Variants in SCMH1 observed in about 807,000 individuals in gnomAD.
SCMH1 encodes the protein polycomb protein SCMH1.
SCMH1 carries 37 observed loss-of-function variants against 70.8 expected under a neutral mutation model. The ratio of observed to expected loss-of-function variants is 0.52; its 90% confidence interval spans 0.40 to 0.69. SCMH1 has a LOEUF of 0.69. SCMH1 is among the 30% of genes least tolerant of loss of function. The probability of loss-of-function intolerance (pLI) is 0.00; values close to 1 mark genes in which losing one functional copy is unlikely to be tolerated. For synonymous variants in SCMH1, 292 were observed against 307.4 expected, an observed-to-expected ratio of 0.95 and a Z score of 0.52; for missense variants, 607 against 827.3, an observed-to-expected ratio of 0.73 and a Z score of 3.27.
intron 5 of SCMH1, among the ~76,000 whole-genome samples, chr1:41,143,806 T>C (rs1644316009): frequency 6.6e-6 from 1 of 152,210 alleles, no homozygotes; most frequent in Non-Finnish European, 1.5e-5. Flanking sequence ...CACTGTAGAT[T>C]GCTTTGCGTT....
chr1:41,195,414 T>G (rs995087828), intron 1 of SCMH1, among the ~76,000 whole-genome samples: 1 of 151,584 alleles, frequency 6.6e-6, no homozygotes, highest in African/African-American at 2.4e-5. Flanking sequence ...TGGTTCAACA[T>G]ATGAAAATCA....
chr1:41,084,330 C>A (rs375981352), intron 8 of SCMH1, among the ~76,000 whole-genome samples: 23 of 152,088 alleles, frequency 1.5e-4, no homozygotes, highest in Non-Finnish European at 2.9e-4. Context: ...ATGAACAGAC[C>A]CTTCTCAAAA....
chr1:41,167,548 T>G (rs1646489149), intron 2 of SCMH1, among the ~76,000 whole-genome samples: 1 of 152,182 alleles, frequency 6.6e-6, no homozygotes, highest in African/African-American at 2.4e-5. Context: ...ATCTCATTAC[T>G]CATAACTGGA....
intron 13 of SCMH1, among the ~76,000 whole-genome samples, chr1:41,034,704 C>T (rs1645052958): frequency 6.6e-6 from 1 of 152,104 alleles, no homozygotes; most frequent in Non-Finnish European, 1.5e-5. Context: ...CGTCCCTGGG[C>T]TGGAGGAGGC....
intron 1 of SCMH1, among the ~76,000 whole-genome samples, chr1:41,190,491 T>G (rs931917880): frequency 6.6e-6 from 1 of 152,182 alleles, no homozygotes; most frequent in African/African-American, 2.4e-5. Context: ...TTGCCATCAC[T>G]AAGGATGTGA....
chr1:41,111,188 A>AT (rs1050104976), intron 8 of SCMH1, among the ~76,000 whole-genome samples: 2 of 152,114 alleles, frequency 1.3e-5, no homozygotes, highest in African/African-American at 4.8e-5. Context: ...AGTCCAAGTG[A>AT]TTTTTTTAAA....
chr1:41,054,846 T>C (rs750633325), intron 10 of SCMH1, among the ~76,000 whole-genome samples: 3 of 152,058 alleles, frequency 2.0e-5, no homozygotes, highest in Non-Finnish European at 4.4e-5. Context: ...GTGGCATGCA[T>C]GATCATAGCT....
intron 6 of SCMH1, among the ~76,000 whole-genome samples, chr1:41,124,211 T>C (rs1414330580): frequency 1.3e-5 from 2 of 152,128 alleles, no homozygotes; most frequent in African/African-American, 2.4e-5. Flanking sequence ...CTTCCACCCC[T>C]GAACTATATG....
chr1:41,201,029 G>A lies in SCMH1; in HGVS notation c.-117-14779C>T, dbSNP rs375379570. Among the ~76,000 whole-genome samples the A allele has an allele frequency of 2.2e-4, 34 of 152,258 alleles. No homozygotes were observed. In the East Asian group the frequency reaches 3.7e-3, roughly 16 times the overall value. On this transcript the variant is annotated intron_variant, in intron 1 of 14. Coordinates refer to ENST00000337495, the Ensembl canonical transcript of SCMH1. ...TCAAGATCAACTTTAACCTCTTACA[G>A]TCTAATAGGTTAGAATCCTATATAG...
intron 6 of SCMH1, among the ~76,000 whole-genome samples, 154 bp downstream of exon 6, chr1:41,142,724 G>A (rs1021211691): frequency 3.9e-5 from 6 of 152,180 alleles, no homozygotes; most frequent in African/African-American, 1.2e-4. Flanking sequence ...TCCAAATTGT[G>A]CAGCTTGTTT....
At chr1:41,033,741 A>G (rs1431856456) in intron 13 of SCMH1, among the ~76,000 whole-genome samples, 1 of 152,228 alleles carries the variant, frequency 6.6e-6, no homozygotes, top group Non-Finnish European at 1.5e-5. Flanking sequence ...TCTTTAAGAC[A>G]AATAATTCTA....
intron 8 of SCMH1, among the ~76,000 whole-genome samples, chr1:41,111,047 C>T (rs1669126502): frequency 1.3e-5 from 2 of 152,194 alleles, no homozygotes; most frequent in Admixed American, 6.5e-5. Flanking sequence ...TGATATTGAG[C>T]ATCTTAAGTG....
intron 6 of SCMH1, among the ~76,000 whole-genome samples, chr1:41,131,195 A>C (rs1001101539): frequency 6.6e-6 from 1 of 152,184 alleles, no homozygotes; most frequent in African/African-American, 2.4e-5. Flanking sequence ...AAATCAATTG[A>C]CCATAAATTG....
chr1:41,075,272 T>G, exon 9 of SCMH1: 1 of 1,614,144 alleles, frequency 6.2e-7, no homozygotes. Flanking sequence ...GGTTCAGCTG[T>G]CTTGGATGGG....
chr1:41,085,944 G>A (rs891804332), intron 8 of SCMH1, among the ~76,000 whole-genome samples: 2 of 148,830 alleles, frequency 1.3e-5, no homozygotes, highest in African/African-American at 2.5e-5. Flanking sequence ...GGGTTCAAGC[G>A]ATTCTCCTGC....
chr1:41,046,628 G>A, intron 11 of SCMH1, 30 bp from the exon 12 acceptor site: 1 of 1,584,128 alleles, frequency 6.3e-7, no homozygotes, highest in Non-Finnish European at 8.7e-7. Flanking sequence ...GGCCAAGCAT[G>A]TCAGCCTGGC....
chr1:41,071,787 T>C (rs555672121), intron 9 of SCMH1, among the ~76,000 whole-genome samples: 48 of 152,110 alleles, frequency 3.2e-4, no homozygotes, highest in Non-Finnish European at 5.7e-4. Flanking sequence ...CTCAGCCTCC[T>C]GAGTAACTGG....
At chr1:41,086,517 A>G (rs995509366) in intron 8 of SCMH1, among the ~76,000 whole-genome samples, 2 of 152,120 alleles carry the variant, frequency 1.3e-5, no homozygotes, top group Non-Finnish European at 2.9e-5. Flanking sequence ...ACTTAATGCA[A>G]CCTCAATAAA....
rs147338832 is a variant in SCMH1, at chr1:41,032,894, G to A, written c.1679-4168C>T. On this transcript the variant is annotated intron_variant, in intron 13 of 14. Transcript: ENST00000337495. ...CTCGGGAGGCTGAGGCAGGAGAATT[G>A]CTTGAACCCAAGAGGCGGAGGTTGC... 1.6e-3 allele frequency among the ~76,000 whole-genome samples: 247 copies of A among 151,808 alleles called. 6 individuals are homozygous for A. In the East Asian group the frequency reaches 0.033, roughly 20 times the overall value.
Sources: gnomAD v4.1 joint callset for allele counts (sites outside exome capture counted in the v4.1 genomes callset) on GRCh38, gnomAD v4.1.1 for gene constraint, MANE v1.5 for transcripts, NCBI Gene and HGNC (gene_info 2026-07-23, HGNC 2026-07-21) for gene names.